NECAB1: variants seen among roughly 807,000 people sequenced by gnomAD.
The protein encoded by NECAB1 is N-terminal EF-hand calcium-binding protein 1.
In NECAB1, 29 loss-of-function variants were observed where a neutral mutation model predicts 57.5. That is an observed-to-expected ratio of 0.50 (90% CI 0.38 to 0.69). NECAB1 has a LOEUF of 0.69. Among genes scored for constraint, NECAB1 ranks in the 30% least tolerant of loss-of-function variants. The pLI is 0.00. For missense variants in NECAB1, 372 were observed against 413.8 expected (o/e 0.90, Z 0.88); for synonymous variants, 142 against 147.7 (o/e 0.96, Z 0.28).
chr8:90,925,441 G>T lies in NECAB1; in HGVS notation c.495-94G>T, dbSNP rs528989312. 193 of 1,432,968 alleles carry T rather than the reference G, an allele frequency of 1.3e-4. 2 individuals carry two copies. In the South Asian group the frequency reaches 2.3e-3, roughly 17 times the overall value. 88.8% of individuals were successfully genotyped at this position (1,432,968 alleles called of 1,614,324 possible). A position where few individuals can be genotyped will look rare whatever the true frequency, so the allele number is the denominator to read the frequency against. ...CATAAGTTTTCATTTTGCTGCACTA[G>T]AAAACCTTTATGACTGACGCATGAA... On this transcript the variant is annotated intron_variant, in intron 6 of 12. Coordinates refer to ENST00000417640, the MANE Select transcript of NECAB1 (RefSeq NM_022351.5).
At chr8:90,907,497 C>G (rs900567855) in intron 5 of NECAB1, among the ~76,000 whole-genome samples, 1 of 152,166 alleles carries the variant, frequency 6.6e-6, no homozygotes, top group Non-Finnish European at 1.5e-5. Context: ...ATCATCCACA[C>G]CCCTTGCTTT....
chr8:90,906,760 A>G (rs1809660308), intron 5 of NECAB1, among the ~76,000 whole-genome samples: 1 of 151,562 alleles, frequency 6.6e-6, no homozygotes, highest in South Asian at 2.1e-4. Context: ...CCAATTTATC[A>G]ATAAGACATT....
chr8:90,888,851 T>C (rs2129934396), intron 5 of NECAB1, among the ~76,000 whole-genome samples: 1 of 152,352 alleles, frequency 6.6e-6, no homozygotes, highest in East Asian at 1.9e-4. Flanking sequence ...AGTTGTGTAA[T>C]AACACATGGA....
chr8:90,869,020 C>T (rs1300240485), intron 3 of NECAB1, among the ~76,000 whole-genome samples: 2 of 152,196 alleles, frequency 1.3e-5, no homozygotes, highest in Non-Finnish European at 2.9e-5. Flanking sequence ...GCATCTTGGC[C>T]GCAGCTGCTC....
intron 4 of NECAB1, among the ~76,000 whole-genome samples, chr8:90,878,569 G>A (rs927270903): frequency 6.6e-6 from 1 of 152,200 alleles, no homozygotes; most frequent in South Asian, 2.1e-4. Flanking sequence ...CTTACACTTA[G>A]ATTTCCAACT....
At chr8:90,925,705 C>A (rs199773610) in intron 7 of NECAB1, 49 bp downstream of exon 7, 4 of 1,602,582 alleles carry the variant, frequency 2.5e-6, no homozygotes, top group Admixed American at 3.4e-5. Flanking sequence ...ATTTATCTTG[C>A]GTTTTCCAAT....
At chr8:90,896,849 C>A (rs1402842503) in intron 5 of NECAB1, among the ~76,000 whole-genome samples, 5 of 152,102 alleles carry the variant, frequency 3.3e-5, no homozygotes, top group Non-Finnish European at 7.4e-5. Context: ...CTGCTACCTG[C>A]TCTGCCCTGA....
At chr8:90,902,485 C>T (rs1048499503) in intron 5 of NECAB1, among the ~76,000 whole-genome samples, 4 of 152,056 alleles carry the variant, frequency 2.6e-5, no homozygotes, top group Non-Finnish European at 5.9e-5. Context: ...AATTGAATTA[C>T]GTTGTACTTA....
At chr8:90,837,650 G>A (rs985054789) in intron 3 of NECAB1, among the ~76,000 whole-genome samples, 5 of 152,076 alleles carry the variant, frequency 3.3e-5, no homozygotes, top group Admixed American at 2.0e-4. Flanking sequence ...AATCAAATAG[G>A]GACAATTACA....
chr8:90,947,303 T>A lies in NECAB1; in HGVS notation c.861-2504T>A, dbSNP rs2879408. 6.0e-3 allele frequency among the ~76,000 whole-genome samples: 471 copies of A among 78,288 alleles called. 10 individuals are homozygous for A. The highest frequency in any genetic ancestry group is 0.019 in the African/African-American group (376 of 19,530). 51.4% of individuals were successfully genotyped at this position (78,288 alleles called of 152,430 possible). On this transcript the variant is annotated intron_variant, in intron 10 of 12. Transcript: ENST00000417640. Reference sequence around the variant, plus strand: ...TTTTAGCTATTGGGCTAACAACACATACACACACACACACACACACACACA... The same window carrying A: ...TTTTAGCTATTGGGCTAACAACACAAACACACACACACACACACACACACA...
At chr8:90,865,477 T>C (rs1190477491) in intron 3 of NECAB1, among the ~76,000 whole-genome samples, 1 of 152,168 alleles carries the variant, frequency 6.6e-6, no homozygotes, top group Admixed American at 6.5e-5. Context: ...CTCTATATAT[T>C]TAGGCTCTGA....
At chr8:90,945,097 T>C (rs1017286858) in intron 10 of NECAB1, among the ~76,000 whole-genome samples, 1 of 151,914 alleles carries the variant, frequency 6.6e-6, no homozygotes, top group Non-Finnish European at 1.5e-5. Context: ...GGAGTCTCGC[T>C]CTGTCGCCCA....
intron 5 of NECAB1, among the ~76,000 whole-genome samples, chr8:90,883,035 A>G (rs961795036): frequency 6.6e-6 from 1 of 152,194 alleles, no homozygotes; most frequent in African/African-American, 2.4e-5. Context: ...AACAAGTTAT[A>G]TAATCTTCTT....
At position 90,802,771 on chromosome 8, in the gene NECAB1, G is replaced by A. The variant is rs537871655; in HGVS notation, c.124+1056G>A. 2.0e-5 allele frequency among the ~76,000 whole-genome samples: 3 copies of A among 152,300 alleles called. No homozygotes were observed. In the East Asian group the frequency reaches 5.8e-4, roughly 29 times the overall value. On this transcript the variant is annotated intron_variant, in intron 2 of 12. Transcript: ENST00000417640. The stretch of plus-strand genomic sequence containing the variant: ...TCCCAATAATATTTAGTTGTGCTTG[G>A]CCATCAAAATATTTTCTCAGACTGT...
intron 8 of NECAB1, 88 bp downstream of exon 8, chr8:90,928,387 C>T (rs1191371534): frequency 1.8e-5 from 16 of 909,840 alleles, no homozygotes; most frequent in African/African-American, 3.5e-5. Flanking sequence ...CATGACTGCC[C>T]CATAGATAGA....
chr8:90,819,986 G>C (rs2063678402), intron 2 of NECAB1, among the ~76,000 whole-genome samples: 1 of 151,866 alleles, frequency 6.6e-6, no homozygotes, highest in African/African-American at 2.4e-5. Flanking sequence ...ACCCACCAAA[G>C]TATGGAGGTT....
chr8:90,820,583 G>A (rs979190517), intron 2 of NECAB1, among the ~76,000 whole-genome samples: 2 of 151,774 alleles, frequency 1.3e-5, no homozygotes, highest in African/African-American at 4.8e-5. Context: ...GATTAAAATT[G>A]CTGTGGGGGA....
intron 3 of NECAB1, among the ~76,000 whole-genome samples, chr8:90,826,426 C>A (rs1415353644): frequency 6.6e-6 from 1 of 151,874 alleles, no homozygotes; most frequent in Non-Finnish European, 1.5e-5. Context: ...ATAGTTGACT[C>A]CTTAAATCGC....
intron 4 of NECAB1, among the ~76,000 whole-genome samples, chr8:90,874,048 C>A (rs745644836): frequency 2.2e-4 from 34 of 152,086 alleles, no homozygotes; most frequent in Non-Finnish European, 4.0e-4. Context: ...TATAATCCTC[C>A]CCCTCTCTGT....
Sources: allele counts gnomAD v4.1 joint callset (sites outside exome capture counted in the v4.1 genomes callset), GRCh38; gene constraint gnomAD v4.1.1; transcripts MANE v1.5; gene names NCBI Gene and HGNC (gene_info 2026-07-23, HGNC 2026-07-21).